Variants in PITPNB observed in about 807,000 individuals in gnomAD.
PITPNB encodes phosphatidylinositol transfer protein beta, also known as phosphatidylinositol transfer protein beta isoform.
In PITPNB, 16 loss-of-function variants were observed where a neutral mutation model predicts 45.9. That is an observed-to-expected ratio of 0.35 (90% CI 0.24 to 0.53). The LOEUF (loss-of-function observed/expected upper bound fraction) is 0.53, where lower values mean the gene tolerates loss of function less well. Among genes scored for constraint, PITPNB ranks in the 20% least tolerant of loss-of-function variants. The pLI, the probability that PITPNB is intolerant of heterozygous loss-of-function variation, is 0.93. For synonymous variants in PITPNB, 112 were observed against 108.9 expected, an observed-to-expected ratio of 1.03 and a Z score of -0.18; for missense variants, 188 against 330.5, an observed-to-expected ratio of 0.57 and a Z score of 3.34.
At chr22:27,911,988 TAC>T (rs1319462029) in intron 2 of PITPNB, among the ~76,000 whole-genome samples, 1 of 152,230 alleles carries the variant, frequency 6.6e-6, no homozygotes, top group Non-Finnish European at 1.5e-5. Context: ...TCTAATTTGT[TAC>T]AGTGACCCAA....
intron 3 of PITPNB, among the ~76,000 whole-genome samples, chr22:27,904,594 G>A (rs183060783): frequency 1.1e-3 from 172 of 152,294 alleles, no homozygotes; most frequent in Admixed American, 2.0e-3. Flanking sequence ...CTACTGAAGT[G>A]TGCATTTTAA....
At chr22:27,866,175 C>CA (rs1250907180) in intron 8 of PITPNB, among the ~76,000 whole-genome samples, 1 of 152,202 alleles carries the variant, frequency 6.6e-6, no homozygotes, top group Non-Finnish European at 1.5e-5. Flanking sequence ...ACAAGAACCT[C>CA]AAATTATGAC....
chr22:27,904,522 T>C (rs1935703265), intron 3 of PITPNB, among the ~76,000 whole-genome samples: 1 of 152,244 alleles, frequency 6.6e-6, no homozygotes, highest in African/African-American at 2.4e-5. Context: ...TTCTGGATTG[T>C]TGAAAATGTT....
rs529497359 is a variant in PITPNB, at chr22:27,905,159, TTTTG to T, written c.197+5801_197+5804del. Among the ~76,000 whole-genome samples the T allele has an allele frequency of 6.5e-3, 996 of 152,302 alleles. 13 individuals are homozygous for T. The highest frequency in any genetic ancestry group is 0.023 in the African/African-American group (943 of 41,564). On this transcript the variant is annotated intron_variant, in intron 3 of 11. Coordinates refer to ENST00000335272, the MANE Select transcript of PITPNB (RefSeq NM_012399.5). ...TATTTATAAATTTTTCCTTTACTTT[TTTTG>T]TTTGAGACGGAGTCTCACTCTTGTC...
At chr22:27,911,597 C>T (rs984329001) in intron 2 of PITPNB, among the ~76,000 whole-genome samples, 5 of 152,156 alleles carry the variant, frequency 3.3e-5, no homozygotes, top group African/African-American at 1.2e-4. Context: ...ACTGTAATAA[C>T]AAAAGCCTGG....
At chr22:27,862,984 G>C (rs1163190904) in intron 8 of PITPNB, among the ~76,000 whole-genome samples, 1 of 152,170 alleles carries the variant, frequency 6.6e-6, no homozygotes, top group East Asian at 1.9e-4. Context: ...TAGCTTCTAA[G>C]TGCCCAGCTT....
At chr22:27,871,434 TA>T (rs1167089269) in intron 8 of PITPNB, among the ~76,000 whole-genome samples, 1 of 152,240 alleles carries the variant, frequency 6.6e-6, no homozygotes, top group Non-Finnish European at 1.5e-5. Context: ...TTACTCCCTG[TA>T]AAAGTATTGT....
rs1357267614 is a variant in PITPNB, at chr22:27,851,763, T to A, written c.*1939A>T. The A allele has an allele frequency of 6.6e-6, 1 of 152,206 alleles. No individual in the cohort carries two copies. The highest frequency in any genetic ancestry group is 1.5e-5 in the Non-Finnish European group (1 of 68,032). 9.4% of individuals were successfully genotyped at this position (152,206 alleles called of 1,614,324 possible). A position where few individuals can be genotyped will look rare whatever the true frequency, so the allele number is the denominator to read the frequency against. ...GAGACTGGCAAGTAAACTAGGTATTTTACATTCACCACACATTCCCTCAAA... is the reference window on the plus strand; with the variant it reads ...GAGACTGGCAAGTAAACTAGGTATTATACATTCACCACACATTCCCTCAAA... On this transcript the variant is annotated 3_prime_UTR_variant, in exon 12 of 12. Transcript: ENST00000335272.
intron 7 of PITPNB, among the ~76,000 whole-genome samples, chr22:27,886,632 A>G (rs1245325467): frequency 1.3e-5 from 2 of 152,200 alleles, no homozygotes; most frequent in African/African-American, 4.8e-5. Context: ...CTGACAACCT[A>G]GCTGAGAGAG....
chr22:27,882,763 C>T (rs551427822), intron 7 of PITPNB, among the ~76,000 whole-genome samples: 26 of 152,330 alleles, frequency 1.7e-4, no homozygotes, highest in Non-Finnish European at 3.4e-4. Context: ...AAAAATAACC[C>T]TCTGGTGAAG....
chr22:27,884,860 G>A (rs966939105), intron 7 of PITPNB, among the ~76,000 whole-genome samples: 1 of 152,030 alleles, frequency 6.6e-6, no homozygotes, highest in South Asian at 2.1e-4. Context: ...AGGTATGTAA[G>A]CCTTAAAATT....
At chr22:27,905,844 G>A (rs1195366188) in intron 3 of PITPNB, among the ~76,000 whole-genome samples, 1 of 152,216 alleles carries the variant, frequency 6.6e-6, no homozygotes, top group Non-Finnish European at 1.5e-5. Flanking sequence ...TTCGTACAGT[G>A]AGGTCTCAGG....
chr22:27,878,456 A>T (rs2146373295), intron 7 of PITPNB, among the ~76,000 whole-genome samples: 1 of 152,366 alleles, frequency 6.6e-6, no homozygotes, highest in Non-Finnish European at 1.5e-5. Flanking sequence ...CTTGTTTAAG[A>T]AACTGATTTC....
intron 8 of PITPNB, among the ~76,000 whole-genome samples, chr22:27,869,374 T>C (rs1185308124): frequency 6.6e-6 from 1 of 152,198 alleles, no homozygotes; most frequent in East Asian, 1.9e-4. Context: ...TATCACATCA[T>C]AGGCTAAAAA....
At chr22:27,883,567 G>A (rs1203652626) in intron 7 of PITPNB, among the ~76,000 whole-genome samples, 1 of 152,248 alleles carries the variant, frequency 6.6e-6, no homozygotes, top group Admixed American at 6.5e-5. Flanking sequence ...TTCTAAACAG[G>A]GAAGGGGCAA....
intron 5 of PITPNB, 153 bp from the exon 6 acceptor site, chr22:27,896,779 T>C (rs1200704577): frequency 3.2e-6 from 2 of 620,896 alleles, no homozygotes; most frequent in South Asian, 2.0e-5. Flanking sequence ...TACCGATTTT[T>C]ATAGACTTGT....
chr22:27,893,298 T>G (rs1935334158), intron 7 of PITPNB, among the ~76,000 whole-genome samples: 1 of 151,788 alleles, frequency 6.6e-6, no homozygotes, highest in South Asian at 2.1e-4. Flanking sequence ...TTTTTTTTTT[T>G]TTTTGAGACG....
intron 8 of PITPNB, among the ~76,000 whole-genome samples, chr22:27,869,344 T>G (rs1934581146): frequency 6.6e-6 from 1 of 152,216 alleles, no homozygotes; most frequent in Non-Finnish European, 1.5e-5. Flanking sequence ...GTTTGTAGTT[T>G]TTTAAAAATA....
At chr22:27,909,102 T>G (rs890306682) in intron 3 of PITPNB, among the ~76,000 whole-genome samples, 3 of 150,916 alleles carry the variant, frequency 2.0e-5, no homozygotes, top group African/African-American at 7.3e-5. Context: ...ATGAAGAGAA[T>G]AGAGGCAAAA....
Sources: gnomAD v4.1 joint callset for allele counts (sites outside exome capture counted in the v4.1 genomes callset) on GRCh38, gnomAD v4.1.1 for gene constraint, MANE v1.5 for transcripts, NCBI Gene and HGNC (gene_info 2026-07-23, HGNC 2026-07-21) for gene names.